The following TADA2A variants were observed in gnomAD, a reference collection of about 807,000 sequenced individuals.
TADA2A encodes the protein transcriptional adapter 2-alpha.
In TADA2A, 38 loss-of-function variants were observed where a neutral mutation model predicts 67.4. The observed-to-expected ratio is 0.56, with a 90% confidence interval of 0.44 to 0.74. TADA2A has a LOEUF of 0.74. TADA2A is among the 30% of genes least tolerant of loss of function. The pLI, the probability that TADA2A is intolerant of heterozygous loss-of-function variation, is 0.00. For synonymous variants in TADA2A, 192 were observed against 181.6 expected, an observed-to-expected ratio of 1.06 and a Z score of -0.46; for missense variants, 454 against 547.0, an observed-to-expected ratio of 0.83 and a Z score of 1.70.
rs765066532 is a variant in TADA2A, at chr17:37,458,489, A to ACG, written c.605-35_605-34insCG. On this transcript the variant is annotated intron_variant, in intron 8 of 15. Coordinates refer to ENST00000615182, the MANE Select transcript of TADA2A (RefSeq NM_001166105.3). ...TTTATTTATATAATATATATATGAT[A>ACG]TGTATATATAGTATATGTATGAATT... 2.8e-5 allele frequency: 37 copies of ACG among 1,315,742 alleles called. No homozygotes were observed. In the East Asian group the frequency reaches 9.3e-4, roughly 33 times the overall value. 81.5% of individuals were successfully genotyped at this position (1,315,742 alleles called of 1,614,324 possible). A position where few individuals can be genotyped will look rare whatever the true frequency, so the allele number is the denominator to read the frequency against.
At chr17:37,433,659 A>G (rs2052636467) in intron 4 of TADA2A, among the ~76,000 whole-genome samples, 1 of 151,776 alleles carries the variant, frequency 6.6e-6, no homozygotes, top group South Asian at 2.1e-4. Flanking sequence ...CCCCGTCTCA[A>G]AGAGAAAAAA....
At chr17:37,430,721 T>A (rs184180715) in intron 4 of TADA2A, among the ~76,000 whole-genome samples, 1 of 152,236 alleles carries the variant, frequency 6.6e-6, no homozygotes. Flanking sequence ...TTAATTCAAC[T>A]TTTTGTAAAA....
intron 4 of TADA2A, among the ~76,000 whole-genome samples, chr17:37,429,861 G>A (rs1256717883): frequency 1.3e-5 from 2 of 152,090 alleles, no homozygotes; most frequent in Non-Finnish European, 2.9e-5. Flanking sequence ...GTAAGACTTG[G>A]AATAAATTTT....
rs2053936847 is a variant in TADA2A, at chr17:37,478,799, T to C, written c.*1817T>C. 1 of 152,224 alleles carries C rather than the reference T, an allele frequency of 6.6e-6. No homozygotes were observed. Among genetic ancestry groups the C allele is most frequent in the South Asian group, 2.1e-4 (1 of 4,830 alleles). 9.4% of individuals were successfully genotyped at this position (152,224 alleles called of 1,614,324 possible). ...CTCAAACTTTTGACTGTTGTAAATA[T>C]GCATGCAGCTGGGAAGGGATTCATC... On this transcript the variant is annotated 3_prime_UTR_variant, in exon 16 of 16. Transcript: ENST00000615182.
chr17:37,470,995 A>T (rs1398998346), intron 13 of TADA2A, 99 bp from the exon 14 acceptor site: 5 of 1,141,720 alleles, frequency 4.4e-6, no homozygotes, highest in Middle Eastern at 1.9e-4. Flanking sequence ...CACTTCTTCA[A>T]GGTGACCTAC....
chr17:37,438,275 A>G (rs939553824), intron 5 of TADA2A, among the ~76,000 whole-genome samples: 10 of 152,208 alleles, frequency 6.6e-5, no homozygotes, highest in African/African-American at 2.4e-4. Context: ...TTAGCTTTCA[A>G]ACACCTACCT....
rs1462017113 is a variant in TADA2A at position 37,478,987 on chromosome 17, AG to A, written c.*2006del. On this transcript the variant is annotated 3_prime_UTR_variant, in exon 16 of 16. Transcript: ENST00000615182. ...TACCATCACCCCTAGTTGGTTGTGA[AG>A]TGATTGCCTCTTATCCCTGAAAGGA... The A allele has an allele frequency of 6.6e-6, 1 of 152,200 alleles. No individual in the cohort carries two copies. The highest frequency in any genetic ancestry group is 1.5e-5 in the Non-Finnish European group (1 of 68,036). The allele number at this position is 152,200 out of a possible 1,614,324, so 9.4% of individuals were successfully genotyped here.
At chr17:37,430,879 A>C (rs1019708199) in intron 4 of TADA2A, among the ~76,000 whole-genome samples, 2 of 152,192 alleles carry the variant, frequency 1.3e-5, no homozygotes, top group Non-Finnish European at 2.9e-5. Flanking sequence ...TGTCATATTT[A>C]CATGTCTTTT....
chr17:37,411,568 G>A (rs533511294), intron 2 of TADA2A, among the ~76,000 whole-genome samples, 178 bp downstream of exon 2: 26 of 152,052 alleles, frequency 1.7e-4, no homozygotes, highest in South Asian at 6.2e-4. Context: ...GACTACAGGC[G>A]CGCACCACCA....
chr17:37,448,957 C>T (rs1251615809), intron 8 of TADA2A, among the ~76,000 whole-genome samples: 1 of 152,130 alleles, frequency 6.6e-6, no homozygotes, highest in South Asian at 2.1e-4. Context: ...GAGCAGAGGT[C>T]CAGCCTGGTC....
chr17:37,442,440 T>G, intron 6 of TADA2A, 124 bp from the exon 7 acceptor site: 1 of 750,946 alleles, frequency 1.3e-6, no homozygotes, highest in Non-Finnish European at 2.0e-6. Flanking sequence ...TCATAATACT[T>G]TATCTTTTTC....
chr17:37,467,140 G>A (rs1183358742), intron 11 of TADA2A, among the ~76,000 whole-genome samples: 1 of 152,012 alleles, frequency 6.6e-6, no homozygotes, highest in Non-Finnish European at 1.5e-5. Context: ...GCGACAGAGC[G>A]AGACTCTGTC....
At chr17:37,472,356 G>A (rs1013685751) in intron 14 of TADA2A, among the ~76,000 whole-genome samples, 5 of 151,858 alleles carry the variant, frequency 3.3e-5, no homozygotes, top group African/African-American at 1.2e-4. Context: ...ATGAGCCACT[G>A]CGCCTGGTCA....
In TADA2A at chr17:37,438,301, C is replaced by T. The variant is rs541548173; in HGVS notation, c.284+472C>T. Among the ~76,000 whole-genome samples, 57 of 152,292 alleles carry T rather than the reference C, an allele frequency of 3.7e-4. 1 individual carries two copies. The highest frequency in any genetic ancestry group is 2.7e-3 in the Admixed American group (42 of 15,302). On this transcript the variant is annotated intron_variant, in intron 5 of 15. Coordinates refer to ENST00000615182, the MANE Select transcript of TADA2A (RefSeq NM_001166105.3). The stretch of plus-strand genomic sequence containing the variant: ...ACACCTACCTGCCTTAGTCCAAAAC[C>T]GGCGGAATTGAATAGCACTTATTGC...
chr17:37,435,841 A>G (rs1443922205), intron 4 of TADA2A, among the ~76,000 whole-genome samples: 1 of 152,078 alleles, frequency 6.6e-6, no homozygotes, highest in Admixed American at 6.6e-5. Context: ...AGGTCTCCCA[A>G]AGTGCTGGGA....
At chr17:37,417,913 A>G (rs1245440861) in intron 2 of TADA2A, among the ~76,000 whole-genome samples, 1 of 152,204 alleles carries the variant, frequency 6.6e-6, no homozygotes, top group Non-Finnish European at 1.5e-5. Flanking sequence ...AATCTATGGT[A>G]AAACAATGCA....
rs2148057200 is a variant in TADA2A, at chr17:37,477,041, A to G, written c.*59A>G. 1.3e-6 allele frequency: 2 copies of G among 1,516,420 alleles called. No individual in the cohort carries two copies. Among genetic ancestry groups the G allele is most frequent in the South Asian group, 1.2e-5 (1 of 80,744 alleles). 93.9% of individuals were successfully genotyped at this position (1,516,420 alleles called of 1,614,324 possible). The stretch of plus-strand genomic sequence containing the variant: ...TTGGAATGTGGTGGGTCAAAGGACA[A>G]TATGGGTGGGCATTCTGGAGAGTTG... On this transcript the variant is annotated 3_prime_UTR_variant, in exon 16 of 16. Coordinates refer to ENST00000615182, the MANE Select transcript of TADA2A (RefSeq NM_001166105.3).
rs188628367 is a variant in TADA2A at position 37,419,278 on chromosome 17, C to G, written c.26-4231C>G. On this transcript the variant is annotated intron_variant, in intron 2 of 15. Transcript: ENST00000615182. ...CTCGATCTCAGCTCAAGTGATCCTC[C>G]TACTTCAGGCCTCCGTATAGCTGGG... Among the ~76,000 whole-genome samples the G allele has an allele frequency of 4.8e-5, 7 of 145,208 alleles. 3 individuals carry two copies. In the Admixed American group the frequency reaches 4.9e-4, roughly 10 times the overall value.
intron 12 of TADA2A, among the ~76,000 whole-genome samples, chr17:37,468,031 A>ACTACAACATACATACTCCACTACAACAT (rs2053704856): frequency 5.9e-5 from 9 of 152,098 alleles, no homozygotes; most frequent in Admixed American, 5.9e-4. Context: ...GTAGTGAGCC[A>ACTACAACATACATACTCCACTACAACAT]AGATGGTGCC....
Sources: allele counts gnomAD v4.1 joint callset (sites outside exome capture counted in the v4.1 genomes callset), GRCh38; gene constraint gnomAD v4.1.1; transcripts MANE v1.5; gene names NCBI Gene and HGNC (gene_info 2026-07-23, HGNC 2026-07-21).